Variants in FHIT observed in about 807,000 individuals in gnomAD.
FHIT encodes bis(5'-adenosyl)-triphosphatase.
In FHIT, 19 loss-of-function variants were observed where a neutral mutation model predicts 17.9. That is an observed-to-expected ratio of 1.06 (90% CI 0.74 to 1.56). The LOEUF (loss-of-function observed/expected upper bound fraction) is 1.56. Among genes scored for constraint, FHIT ranks in the 40% most tolerant of loss-of-function variants. The probability of loss-of-function intolerance (pLI) is 0.00; values close to 1 mark genes in which losing one functional copy is unlikely to be tolerated. For missense variants in FHIT, 248 were observed against 189.2 expected (o/e 1.31, Z -1.82); for synonymous variants, 81 against 69.7 (o/e 1.16, Z -0.81).
intron 5 of FHIT, among the ~76,000 whole-genome samples, chr3:60,323,652 A>G (rs145473382): frequency 3.3e-5 from 5 of 152,300 alleles, no homozygotes; most frequent in East Asian, 1.9e-4. Context: ...CTCCTGTACT[A>G]TCATTCCGGT....
At chr3:60,950,680 C>T (rs1488664323) in intron 3 of FHIT, among the ~76,000 whole-genome samples, 1 of 150,164 alleles carries the variant, frequency 6.7e-6, no homozygotes, top group East Asian at 1.9e-4. Context: ...CCACACCTGG[C>T]TAATTTTTTT....
At chr3:60,135,845 T>G (rs1191127771) in intron 5 of FHIT, among the ~76,000 whole-genome samples, 1 of 152,160 alleles carries the variant, frequency 6.6e-6, no homozygotes, top group Non-Finnish European at 1.5e-5. Flanking sequence ...AATGGATTCT[T>G]AATGGTGTCT....
At chr3:60,744,383 A>G (rs2042314876) in intron 4 of FHIT, among the ~76,000 whole-genome samples, 1 of 152,128 alleles carries the variant, frequency 6.6e-6, no homozygotes, top group African/African-American at 2.4e-5. Context: ...GCATGCAGAC[A>G]AGTAGGGGAA....
At chr3:61,136,731 C>T (rs1391494122) in intron 2 of FHIT, among the ~76,000 whole-genome samples, 5 of 152,152 alleles carry the variant, frequency 3.3e-5, no homozygotes, top group African/African-American at 1.2e-4. Flanking sequence ...TTTGCTTCAC[C>T]GGAGCCTAAC....
chr3:60,808,649 G>C (rs1306513786), intron 4 of FHIT, among the ~76,000 whole-genome samples: 5 of 152,200 alleles, frequency 3.3e-5, no homozygotes, highest in Non-Finnish European at 4.4e-5. Flanking sequence ...GCTGGAAAAG[G>C]GATGAAGAAA....
In FHIT at chr3:60,898,095, T is replaced by C. The variant is rs563604988; in HGVS notation, c.-110-76084A>G. ...ACACACCTATTTAAAAACTCTCTTC[T>C]TTTTATACCTATTAAAAAAACCCTC... On this transcript the variant is annotated intron_variant, in intron 3 of 9. Coordinates refer to ENST00000492590, the MANE Select transcript of FHIT (RefSeq NM_002012.4). Among the ~76,000 whole-genome samples the C allele has an allele frequency of 5.9e-5, 9 of 152,318 alleles. No homozygotes were observed. In the East Asian group the frequency reaches 1.7e-3, roughly 29 times the overall value.
chr3:60,030,481 T>A (rs1700955192), intron 5 of FHIT, among the ~76,000 whole-genome samples: 8 of 152,242 alleles, frequency 5.3e-5, no homozygotes, highest in Admixed American at 5.2e-4. Flanking sequence ...TTAGTAGACT[T>A]ATCAATCCCA....
intron 9 of FHIT, chr3:59,750,954 A>AACTT (rs1700863592): frequency 1.1e-5 from 2 of 187,560 alleles, no homozygotes; most frequent in Admixed American, 1.2e-4. Context: ...CTACTTCTGC[A>AACTT]ACTTATAACA....
chr3:60,987,747 G>C (rs985253551), intron 3 of FHIT, among the ~76,000 whole-genome samples: 1 of 152,274 alleles, frequency 6.6e-6, no homozygotes, highest in African/African-American at 2.4e-5. Flanking sequence ...TAAGTCCCCA[G>C]TTTAGCTTAG....
At chr3:61,024,961 G>A (rs754423095) in intron 3 of FHIT, among the ~76,000 whole-genome samples, 28 of 151,816 alleles carry the variant, frequency 1.8e-4, no homozygotes, top group Admixed American at 3.3e-4. Context: ...GTAAAGATAC[G>A]TTTTAGACAT....
At chr3:61,129,153 G>C (rs1012919687) in intron 2 of FHIT, among the ~76,000 whole-genome samples, 3 of 152,162 alleles carry the variant, frequency 2.0e-5, no homozygotes. Context: ...TATTAACTTG[G>C]AAAGCATTGC....
intron 8 of FHIT, among the ~76,000 whole-genome samples, chr3:59,774,118 G>A (rs775579547): frequency 2.0e-5 from 3 of 152,208 alleles, no homozygotes; most frequent in South Asian, 2.1e-4. Context: ...CGTGAGATGC[G>A]CTGGTTTGGA....
chr3:61,242,541 T>C (rs2106927174), intron 1 of FHIT, among the ~76,000 whole-genome samples: 1 of 152,210 alleles, frequency 6.6e-6, no homozygotes, highest in East Asian at 1.9e-4. Context: ...ACCCAACAGG[T>C]TCATTTTGCC....
intron 4 of FHIT, among the ~76,000 whole-genome samples, chr3:60,641,162 A>G (rs2039715703): frequency 6.6e-6 from 1 of 152,154 alleles, no homozygotes; most frequent in Non-Finnish European, 1.5e-5. Flanking sequence ...CCTGGGCAAC[A>G]GGAGTGAAAC....
intron 4 of FHIT, among the ~76,000 whole-genome samples, chr3:60,746,319 T>G (rs1553715338): frequency 6.6e-6 from 1 of 152,172 alleles, no homozygotes; most frequent in Non-Finnish European, 1.5e-5. Flanking sequence ...TGATTCAAGA[T>G]TTGGGAGAGA....
At chr3:60,362,874 G>T (rs1699959081) in intron 5 of FHIT, among the ~76,000 whole-genome samples, 1 of 152,170 alleles carries the variant, frequency 6.6e-6, no homozygotes, top group Non-Finnish European at 1.5e-5. Flanking sequence ...GGGGCAAAAA[G>T]GCCCGTGTCA....
intron 5 of FHIT, among the ~76,000 whole-genome samples, chr3:60,143,299 T>C (rs1322407865): frequency 2.0e-5 from 3 of 152,178 alleles, no homozygotes; most frequent in Non-Finnish European, 4.4e-5. Context: ...AGTCAAAGCT[T>C]GGTCCTAGGA....
intron 5 of FHIT, among the ~76,000 whole-genome samples, chr3:60,521,385 C>T (rs1411921308): frequency 6.6e-6 from 1 of 152,126 alleles, no homozygotes; most frequent in East Asian, 1.9e-4. Flanking sequence ...GTAGCTGGGA[C>T]TACAGGCGCC....
At chr3:60,069,622 T>G (rs1352537602) in intron 5 of FHIT, among the ~76,000 whole-genome samples, 1 of 152,218 alleles carries the variant, frequency 6.6e-6, no homozygotes, top group African/African-American at 2.4e-5. Flanking sequence ...ATAATTCAAC[T>G]AACTATGACA....
Sources: gnomAD v4.1 joint callset for allele counts (sites outside exome capture counted in the v4.1 genomes callset) on GRCh38, gnomAD v4.1.1 for gene constraint, MANE v1.5 for transcripts, NCBI Gene and HGNC (gene_info 2026-07-23, HGNC 2026-07-21) for gene names.